Variants in BRSK2 observed in about 807,000 individuals in gnomAD.
BRSK2 encodes the protein serine/threonine-protein kinase BRSK2.
A neutral mutation model predicts 83.3 loss-of-function variants in BRSK2; 19 were observed. The ratio of observed to expected loss-of-function variants is 0.23; its 90% CI spans 0.16 to 0.33. The LOEUF (loss-of-function observed/expected upper bound fraction) is 0.33, where lower values mean the gene tolerates loss of function less well. BRSK2 is among the 10% of genes least tolerant of loss of function. BRSK2 has a pLI of 1.00. For synonymous variants in BRSK2, 519 were observed against 435.4 expected (o/e 1.19, Z -2.39); for missense variants, 798 against 1,042.3 (o/e 0.77, Z 3.23).
intron 1 of BRSK2, among the ~76,000 whole-genome samples, chr11:1,415,669 C>G (rs941971856): frequency 6.6e-6 from 1 of 152,264 alleles, no homozygotes; most frequent in Non-Finnish European, 1.5e-5. Flanking sequence ...ATAGCTGGCA[C>G]CCCTGCCTGC....
intron 1 of BRSK2, among the ~76,000 whole-genome samples, chr11:1,426,241 CG>C (rs1185092481): frequency 1.3e-5 from 1 of 75,760 alleles, no homozygotes; most frequent in African/African-American, 6.3e-5. Flanking sequence ...GGGCGTGCTC[CG>C]GGGATGTGTG....
chr11:1,449,878 G>GC (rs1349374438), intron 13 of BRSK2, 42 bp downstream of exon 13: 2 of 1,485,870 alleles, frequency 1.3e-6, no homozygotes, highest in East Asian at 2.3e-5. Context: ...ATGCACAGAG[G>GC]CCCCAACCCT....
intron 1 of BRSK2, among the ~76,000 whole-genome samples, chr11:1,424,213 G>T (rs1199520950): frequency 3.3e-5 from 5 of 152,214 alleles, no homozygotes; most frequent in African/African-American, 1.2e-4. Context: ...GAGCCCCGGG[G>T]AGCCCCACCA....
intron 15 of BRSK2, among the ~76,000 whole-genome samples, chr11:1,453,644 A>C (rs1846081948): frequency 1.3e-5 from 2 of 152,306 alleles, no homozygotes; most frequent in East Asian, 3.9e-4. Context: ...GTGGCCGAGG[A>C]GGCAGCTCCA....
chr11:1,436,559 C>T (rs1172595070), intron 2 of BRSK2, among the ~76,000 whole-genome samples: 2 of 152,112 alleles, frequency 1.3e-5, no homozygotes, highest in Non-Finnish European at 1.5e-5. Flanking sequence ...TCCGTCGGCT[C>T]CATCCGGTGG....
chr11:1,460,586 C>A lies in BRSK2; in HGVS notation c.2074C>A (p.Pro692Thr). Residue 692 changes from proline to threonine, a missense_variant, in exon 20 of 20, where the codon CCC becomes ACC. By Grantham distance (38) the Pro-to-Thr change is conservative (BLOSUM62 -1). Around this residue, in one of 6 missense-constraint regions of BRSK2, gnomAD observed 455 missense variants for 455.2 expected, o/e 1.00. Transcript: ENST00000528841. ...NGQAAQAPST[P>T]AKRSAHGPLG... ...GCAGGCGGCCCAGGCCCCCAGCACG[C>A]CCGCCAAGCGGAGTGCCCACGGCCC... The A allele has an allele frequency of 1.3e-6, 2 of 1,533,362 alleles. No individual in the cohort carries two copies. 95.0% of individuals were successfully genotyped at this position (1,533,362 alleles called of 1,614,324 possible).
At chr11:1,414,253 G>A (rs1847862942) in intron 1 of BRSK2, among the ~76,000 whole-genome samples, 1 of 152,240 alleles carries the variant, frequency 6.6e-6, no homozygotes, top group Non-Finnish European at 1.5e-5. Context: ...CCGGGCAGGA[G>A]GAGGACGGCC....
chr11:1,450,351 C>T (rs1219825835), intron 13 of BRSK2, among the ~76,000 whole-genome samples: 1 of 152,140 alleles, frequency 6.6e-6, no homozygotes, highest in Non-Finnish European at 1.5e-5. Flanking sequence ...CCTCTGCAGG[C>T]CGCCCTGCGG....
At chr11:1,404,563 C>A (rs1448029687) in intron 1 of BRSK2, among the ~76,000 whole-genome samples, 1 of 152,190 alleles carries the variant, frequency 6.6e-6, no homozygotes. Context: ...TCCCTGGATG[C>A]CACAGAGCAC....
intron 18 of BRSK2, chr11:1,456,935 G>A (rs754721872): frequency 9.4e-6 from 15 of 1,596,100 alleles, no homozygotes; most frequent in Non-Finnish European, 1.2e-5. Flanking sequence ...ACACTGAAAG[G>A]CGCCTCTTGT....
chr11:1,417,136 G>C (rs535226398), intron 1 of BRSK2, among the ~76,000 whole-genome samples: 3 of 152,126 alleles, frequency 2.0e-5, no homozygotes, highest in Non-Finnish European at 2.9e-5. Context: ...TCCACACTGG[G>C]GGATAAAGCG....
chr11:1,390,504 G>A lies in BRSK2; in HGVS notation c.91+129G>A. 1.3e-5 allele frequency: 4 copies of A among 319,358 alleles called. No homozygotes were observed. The highest frequency in any genetic ancestry group is 1.8e-5 in the Non-Finnish European group (4 of 223,526). 19.8% of individuals were successfully genotyped at this position (319,358 alleles called of 1,614,324 possible). A position where few individuals can be genotyped will look rare whatever the true frequency, so the allele number is the denominator to read the frequency against. The stretch of plus-strand genomic sequence containing the variant: ...GCCCGGGCCCCGGCCGCGAACAATG[G>A]GCGGCCCGTGCGCCCCCGTCCGCTC... On this transcript the variant is annotated intron_variant, in intron 1 of 19. Coordinates refer to ENST00000528841, the MANE Select transcript of BRSK2 (RefSeq NM_001256627.2). This position sits in a 1 kb window ranked among gnomAD's most constrained non-coding sequence, Gnocchi z 6.8.
intron 1 of BRSK2, among the ~76,000 whole-genome samples, chr11:1,413,223 G>C (rs1027258321): frequency 3.3e-5 from 5 of 152,088 alleles, no homozygotes; most frequent in African/African-American, 7.2e-5. Flanking sequence ...ACGGCCCCTG[G>C]GGACGGCCCC....
At chr11:1,399,641 G>A (rs968512455) in intron 1 of BRSK2, among the ~76,000 whole-genome samples, 1 of 152,182 alleles carries the variant, frequency 6.6e-6, no homozygotes, top group African/African-American at 2.4e-5. Context: ...CTGGTGAGGA[G>A]CTTGTCCTGC....
Position 1,438,368 on chromosome 11 carries a change from C to G in BRSK2, c.249C>G (p.Asp83Glu), listed in dbSNP as rs530349423. 1 of 1,614,034 alleles carries G rather than the reference C, an allele frequency of 6.2e-7. No homozygotes were observed. The highest frequency in any genetic ancestry group is 2.2e-5 in the East Asian group (1 of 44,872). Residue 83 changes from aspartate to glutamate, a missense_variant, in exon 3 of 20, where the codon GAC becomes GAG. Asp to Glu is a conservative substitution (Grantham distance 45). Around this residue, in one of 6 missense-constraint regions of BRSK2, gnomAD observed 109 missense variants for 259.2 expected, o/e 0.42. Transcript: ENST00000528841. This position sits in a 1 kb window ranked among gnomAD's most constrained non-coding sequence, Gnocchi z 6.4. ...IEHPHVLKLH[D>E]VYENKKYLYL... ...ACCCCCACGTCCTAAAGCTGCACGACGTTTATGAAAACAAAAAATATTTGT... is the reference window on the plus strand; with the variant it reads ...ACCCCCACGTCCTAAAGCTGCACGAGGTTTATGAAAACAAAAAATATTTGT...
In BRSK2 at chr11:1,410,431, G is replaced by A. The variant is rs142388041; in HGVS notation, c.91+20056G>A. The stretch of plus-strand genomic sequence containing the variant: ...TCGGCCTCGCAGAGCGGTGACAGTT[G>A]CAGAGTCCGTGTTTGGGGGCGCCGT... On this transcript the variant is annotated intron_variant, in intron 1 of 19. Transcript: ENST00000528841. 9.0e-4 allele frequency: 883 copies of A among 983,900 alleles called. 11 individuals carry two copies. In the African/African-American group the frequency reaches 0.014, roughly 16 times the overall value. The allele number at this position is 983,900 out of a possible 1,614,324, so 60.9% of individuals were successfully genotyped here. A position where few individuals can be genotyped will look rare whatever the true frequency, so the allele number is the denominator to read the frequency against.
At chr11:1,428,199 T>C (rs1360529773) in intron 1 of BRSK2, among the ~76,000 whole-genome samples, 1 of 152,080 alleles carries the variant, frequency 6.6e-6, no homozygotes, top group African/African-American at 2.4e-5. Context: ...CCTGAGCCAC[T>C]GCGAGGCTCC....
chr11:1,453,569 C>T (rs56252165), intron 15 of BRSK2, among the ~76,000 whole-genome samples: 4,619 of 152,218 alleles, frequency 0.03, 95 homozygotes, highest in Non-Finnish European at 0.046. Context: ...GAGGAGGCGT[C>T]GAGGGGCTGA....
At chr11:1,401,497 G>A (rs1846476094) in intron 1 of BRSK2, among the ~76,000 whole-genome samples, 1 of 152,142 alleles carries the variant, frequency 6.6e-6, no homozygotes, top group African/African-American at 2.4e-5. Context: ...AGCATACCCC[G>A]GAGTATGTTC....
Sources: allele counts gnomAD v4.1 joint callset (sites outside exome capture counted in the v4.1 genomes callset), GRCh38; gene constraint gnomAD v4.1.1; regional missense constraint gnomAD v4.1.1; non-coding constraint Gnocchi (gnomAD v3.1); transcripts MANE v1.5; gene names NCBI Gene and HGNC (gene_info 2026-07-23, HGNC 2026-07-21).